The following C8orf34 variants were observed in gnomAD, a reference collection of about 807,000 sequenced individuals.
C8orf34 encodes chromosome 8 open reading frame 34.
C8orf34 carries 65 observed loss-of-function variants against 68.3 expected under a neutral mutation model. The ratio of observed to expected loss-of-function variants is 0.95; its 90% CI spans 0.78 to 1.17. The LOEUF (loss-of-function observed/expected upper bound fraction) is 1.17, where lower values mean the gene tolerates loss of function less well. Among genes scored for constraint, C8orf34 ranks in the 50% most tolerant of loss-of-function variants. The pLI is 0.00. For missense variants in C8orf34, 664 were observed against 655.4 expected, an observed-to-expected ratio of 1.01 and a Z score of -0.14; for synonymous variants, 244 against 241.2, an observed-to-expected ratio of 1.01 and a Z score of -0.11.
At chr8:68,382,473 G>A (rs183610190) in intron 1 of C8orf34, among the ~76,000 whole-genome samples, 153 of 152,318 alleles carry the variant, frequency 1.0e-3, no homozygotes, top group African/African-American at 3.4e-3. Context: ...AAAGTAACGT[G>A]TACCTACTGT....
At chr8:68,548,996 A>G (rs907744353) in intron 7 of C8orf34, among the ~76,000 whole-genome samples, 2 of 151,820 alleles carry the variant, frequency 1.3e-5, no homozygotes, top group Non-Finnish European at 3.0e-5. Context: ...AAATAAGGTT[A>G]TAAGAGTGGG....
intron 7 of C8orf34, among the ~76,000 whole-genome samples, chr8:68,613,433 T>TCCCCCCCCCCCCC (rs1818085687): frequency 7.3e-6 from 1 of 137,712 alleles, no homozygotes; most frequent in African/African-American, 3.2e-5. Context: ...CCCAATTCCA[T>TCCCCCCCCCCCCC]CCCTCCCCCT....
intron 10 of C8orf34, among the ~76,000 whole-genome samples, chr8:68,740,018 C>A (rs1822236106): frequency 1.3e-5 from 2 of 152,200 alleles, no homozygotes; most frequent in Middle Eastern, 6.8e-3. Flanking sequence ...ACTTCCTATT[C>A]AGTAAATGAT....
chr8:68,685,672 A>G (rs1309061639), intron 8 of C8orf34, among the ~76,000 whole-genome samples: 1 of 152,002 alleles, frequency 6.6e-6, no homozygotes, highest in East Asian at 1.9e-4. Flanking sequence ...CCTGGGTAAC[A>G]TGGTGAAACC....
intron 9 of C8orf34, among the ~76,000 whole-genome samples, chr8:68,718,075 T>C (rs1821528908): frequency 6.6e-6 from 1 of 152,198 alleles, no homozygotes; most frequent in African/African-American, 2.4e-5. Context: ...TTTCCCTCCC[T>C]TCTCTGCCTA....
At chr8:68,355,527 A>T (rs1806710244) in intron 1 of C8orf34, among the ~76,000 whole-genome samples, 1 of 152,186 alleles carries the variant, frequency 6.6e-6, no homozygotes, top group Non-Finnish European at 1.5e-5. Flanking sequence ...AACACAGTAG[A>T]TGCTGTTGCT....
rs1274899025 is a variant in C8orf34 at position 68,786,575 on chromosome 8, C to T, written c.1456-868C>T. ...CTTCCAGTAGAAGTGACTCCCGAGC[C>T]TTGGAAGAGGAGTGTTAATGTTTAA... On this transcript the variant is annotated intron_variant, in intron 11 of 13. Coordinates refer to ENST00000518698, the MANE Select transcript of C8orf34 (RefSeq NM_052958.4). 3.3e-5 allele frequency among the ~76,000 whole-genome samples: 5 copies of T among 152,138 alleles called. No individual in the cohort carries two copies. In the East Asian group the frequency reaches 9.7e-4, roughly 29 times the overall value.
chr8:68,371,601 C>CT lies in C8orf34; in HGVS notation c.327+40278dup, dbSNP rs747648137. On this transcript the variant is annotated intron_variant, in intron 1 of 13. Coordinates refer to ENST00000518698, the MANE Select transcript of C8orf34 (RefSeq NM_052958.4). ...AGCTTGCCACTTACTTCATTTCTTTCTTTTTTTTTTTTTTTTGATACGGAG... is the reference window on the plus strand; with the variant it reads ...AGCTTGCCACTTACTTCATTTCTTTCTTTTTTTTTTTTTTTTTGATACGGAG... Among the ~76,000 whole-genome samples the CT allele has an allele frequency of 3.6e-3, 504 of 138,288 alleles. 3 individuals are homozygous for CT. Among genetic ancestry groups the CT allele is most frequent in the African/African-American group, 5.5e-3 (210 of 38,158 alleles). The allele number at this position is 138,288 out of a possible 152,430, so 90.7% of individuals were successfully genotyped here.
In C8orf34 at chr8:68,758,986, G is replaced by A. The variant is rs538121802; in HGVS notation, c.1405-17413G>A. Among the ~76,000 whole-genome samples the A allele has an allele frequency of 1.2e-3, 185 of 152,190 alleles. 1 individual carries two copies. The highest frequency in any genetic ancestry group is 1.3e-3 in the Non-Finnish European group (86 of 68,020). On this transcript the variant is annotated intron_variant, in intron 10 of 13. Transcript: ENST00000518698. ...ACAATTATGATAAAGATAAGAACTA[G>A]TTAGTTTAGCTTTAACTATTTGCAT...
chr8:68,405,779 G>A (rs1011442963), intron 1 of C8orf34, among the ~76,000 whole-genome samples: 20 of 152,168 alleles, frequency 1.3e-4, no homozygotes, highest in Non-Finnish European at 1.3e-4. Context: ...CCTCCCTCCC[G>A]TAATTCTGTG....
intron 1 of C8orf34, among the ~76,000 whole-genome samples, chr8:68,423,542 AC>A (rs1203832515): frequency 6.6e-6 from 1 of 152,166 alleles, no homozygotes; most frequent in Non-Finnish European, 1.5e-5. Flanking sequence ...CTTCTGAGCC[AC>A]CAAGTCTCTA....
intron 5 of C8orf34, among the ~76,000 whole-genome samples, chr8:68,511,648 G>A (rs1003663634): frequency 6.6e-6 from 1 of 152,186 alleles, no homozygotes; most frequent in African/African-American, 2.4e-5. Flanking sequence ...AAAATAAGAG[G>A]GCTGAACATA....
chr8:68,640,226 A>G, intron 7 of C8orf34, 150 bp from the exon 8 acceptor site: 3 of 669,068 alleles, frequency 4.5e-6, no homozygotes, highest in Admixed American at 6.0e-5. Flanking sequence ...ATAATTTGAA[A>G]AATAATTGAT....
chr8:68,526,514 C>T (rs1431575290), intron 6 of C8orf34, among the ~76,000 whole-genome samples: 3 of 152,112 alleles, frequency 2.0e-5, no homozygotes, highest in Non-Finnish European at 4.4e-5. Context: ...AGGTATATGA[C>T]AAGCACTTAA....
At chr8:68,416,737 G>C (rs994582710) in intron 1 of C8orf34, among the ~76,000 whole-genome samples, 7 of 151,818 alleles carry the variant, frequency 4.6e-5, no homozygotes, top group African/African-American at 1.7e-4. Flanking sequence ...CACCATGTTG[G>C]CCAGGCTTGT....
chr8:68,466,418 T>C (rs1045452326), intron 3 of C8orf34, among the ~76,000 whole-genome samples: 5 of 152,008 alleles, frequency 3.3e-5, no homozygotes, highest in African/African-American at 1.2e-4. Flanking sequence ...TTATTATGAT[T>C]AATTAATTAA....
rs6993981 is a variant in C8orf34, at chr8:68,350,388, C to T, written c.327+19049C>T. 7.4e-3 allele frequency among the ~76,000 whole-genome samples: 1,115 copies of T among 151,564 alleles called. 16 individuals carry two copies. The highest frequency in any genetic ancestry group is 0.025 in the African/African-American group (1,034 of 41,420). ...TTTTAGAGTATGTGCCATGTGGTGA[C>T]GAGAAAAATGTATATTCTGTTGTTT... is the stretch of plus-strand genomic sequence containing the variant. On this transcript the variant is annotated intron_variant, in intron 1 of 13. Coordinates refer to ENST00000518698, the MANE Select transcript of C8orf34 (RefSeq NM_052958.4).
intron 10 of C8orf34, among the ~76,000 whole-genome samples, chr8:68,736,686 A>C (rs962420458): frequency 2.6e-5 from 4 of 152,122 alleles, no homozygotes; most frequent in African/African-American, 9.6e-5. Context: ...AGAGATACTC[A>C]ATAAATGCTT....
At chr8:68,653,950 T>C (rs1354069190) in intron 8 of C8orf34, among the ~76,000 whole-genome samples, 1 of 152,204 alleles carries the variant, frequency 6.6e-6, no homozygotes, top group Non-Finnish European at 1.5e-5. Flanking sequence ...TATGGTTTTA[T>C]TTCAGCACTG....
Sources: gnomAD v4.1 joint callset for allele counts (sites outside exome capture counted in the v4.1 genomes callset) on GRCh38, gnomAD v4.1.1 for gene constraint, MANE v1.5 for transcripts, NCBI Gene and HGNC (gene_info 2026-07-23, HGNC 2026-07-21) for gene names.